DYNC2H1: variants seen among roughly 807,000 people sequenced by gnomAD.
DYNC2H1 encodes cytoplasmic dynein 2 heavy chain 1.
In DYNC2H1, 410 loss-of-function variants were observed where a neutral mutation model predicts 570.0. The observed-to-expected ratio is 0.72, with a 90% CI of 0.66 to 0.78. The LOEUF (loss-of-function observed/expected upper bound fraction) is 0.78, where lower values mean the gene tolerates loss of function less well. Ranked by LOEUF, DYNC2H1 falls within the 30% of genes least tolerant of loss-of-function variation. DYNC2H1 has a pLI of 0.00. For missense variants in DYNC2H1, 4,865 were observed against 5,046.4 expected, an observed-to-expected ratio of 0.96 and a Z score of 1.09; for synonymous variants, 1,688 against 1,677.6, an observed-to-expected ratio of 1.01 and a Z score of -0.15.
Position 103,243,309 on chromosome 11 carries a change from A to G in DYNC2H1, c.9820-384A>G, listed in dbSNP as rs1420203525. On this transcript the variant is annotated intron_variant, in intron 63 of 88. Transcript: ENST00000375735. The surrounding 1 kb of genome is among the most constrained non-coding windows in gnomAD (Gnocchi z 4.8). ...GATAGATAGATAGATAGATAGATAAATAGAGAATAATTTGACTGTGTATTA... is the reference window on the plus strand; with the variant it reads ...GATAGATAGATAGATAGATAGATAAGTAGAGAATAATTTGACTGTGTATTA... Among the ~76,000 whole-genome samples, 1 of 54,654 alleles carries G rather than the reference A, an allele frequency of 1.8e-5. No individual in the cohort carries two copies. Among genetic ancestry groups the G allele is most frequent in the Admixed American group, 1.4e-4 (1 of 7,346 alleles). 35.9% of individuals were successfully genotyped at this position (54,654 alleles called of 152,430 possible).
At chr11:103,468,336 G>T in intron 87 of DYNC2H1, 1 of 270,554 alleles carries the variant, frequency 3.7e-6, no homozygotes. Flanking sequence ...ACCCGCAGTT[G>T]TATAACAGAT....
At chr11:103,464,815 ACTT>A (rs1945141811) in intron 87 of DYNC2H1, among the ~76,000 whole-genome samples, 1 of 152,172 alleles carries the variant, frequency 6.6e-6, no homozygotes, top group Non-Finnish European at 1.5e-5. Flanking sequence ...TGAAACATGT[ACTT>A]CTGCAAAAAG....
At chr11:103,438,854 T>G (rs921489815) in intron 85 of DYNC2H1, among the ~76,000 whole-genome samples, 6 of 152,090 alleles carry the variant, frequency 3.9e-5, no homozygotes, top group African/African-American at 1.4e-4. Context: ...AAAAGTTCTA[T>G]AAATGTAAGC....
At chr11:103,360,096 T>C (rs77263869) in intron 83 of DYNC2H1, among the ~76,000 whole-genome samples, 1,821 of 152,128 alleles carry the variant, frequency 0.012, 41 homozygotes, top group African/African-American at 0.041. Context: ...TAGAGTACAA[T>C]ATCATAGGAA....
In DYNC2H1 at chr11:103,211,731, C is replaced by T. The variant is rs577246179; in HGVS notation, c.8540-58C>T. On this transcript the variant is annotated intron_variant, in intron 53 of 88. Coordinates refer to ENST00000375735, the MANE Select transcript of DYNC2H1 (RefSeq NM_001377.3). Reference sequence around the variant, plus strand: ...AATAACTATCATTAGGATATTTTCTCTTATTTTTAATGAATCATACATATA... The same window carrying T: ...AATAACTATCATTAGGATATTTTCTTTTATTTTTAATGAATCATACATATA... 5 of 690,672 alleles carry T rather than the reference C, an allele frequency of 7.2e-6. No individual in the cohort carries two copies. The African/African-American group carries it at 9.2e-5, about 13-fold the overall frequency. 42.8% of individuals were successfully genotyped at this position (690,672 alleles called of 1,614,324 possible). A position where few individuals can be genotyped will look rare whatever the true frequency, so the allele number is the denominator to read the frequency against.
At position 103,282,198 on chromosome 11, in the gene DYNC2H1, G is replaced by A. The variant is rs1459431845; in HGVS notation, c.10781G>A (p.Gly3594Asp). 1.9e-6 allele frequency: 3 copies of A among 1,608,370 alleles called. No homozygotes were observed. The highest frequency in any genetic ancestry group is 1.7e-6 in the Non-Finnish European group (2 of 1,177,600). The change falls in exon 72 of 89, where the codon GGT becomes GAT. Residue 3594 changes from glycine (G) to aspartate (D), a missense_variant. Gly to Asp is a moderately conservative substitution (Grantham distance 94). This residue lies in a region of DYNC2H1 where 2,401 missense variants were observed against 2,454.6 expected (regional missense o/e 0.98). Coordinates refer to ENST00000375735, the MANE Select transcript of DYNC2H1 (RefSeq NM_001377.3). ...FQENEWDTFT[G>D]VVVGDMLRKA... ...CAATAGGAATGGGATACGTTTACAG[G>A]TGTGGTTGTTGGAGACATGTTACGG...
At position 103,177,478 on chromosome 11, in the gene DYNC2H1, A is replaced by G; in HGVS notation, c.5875-78A>G. 7.0e-7 allele frequency: 1 copy of G among 1,428,108 alleles called. No homozygotes were observed. Among genetic ancestry groups the G allele is most frequent in the South Asian group, 1.4e-5 (1 of 70,668 alleles). 88.5% of individuals were successfully genotyped at this position (1,428,108 alleles called of 1,614,324 possible). ...AAAGGCTTAATTTACACATTAGAAC[A>G]AGTGTTACAGAATAAAAGCAGAACT... On this transcript the variant is annotated intron_variant, in intron 37 of 88. Coordinates refer to ENST00000375735, the MANE Select transcript of DYNC2H1 (RefSeq NM_001377.3). The surrounding 1 kb of genome is among the most constrained non-coding windows in gnomAD (Gnocchi z 4.4).
chr11:103,377,240 T>C (rs1591650013), intron 83 of DYNC2H1, among the ~76,000 whole-genome samples: 1 of 152,332 alleles, frequency 6.6e-6, no homozygotes, highest in African/African-American at 2.4e-5. Flanking sequence ...TGCACTCATG[T>C]AGTGCAAATA....
rs76410144 is a variant in DYNC2H1 at position 103,363,710 on chromosome 11, A to G, written c.12156+5351A>G. Among the ~76,000 whole-genome samples the G allele has an allele frequency of 5.3e-3, 802 of 152,374 alleles. 4 individuals are homozygous for G. The highest frequency in any genetic ancestry group is 0.018 in the African/African-American group (765 of 41,594). ...CTAGTGATTAAAGGGATTGGAAAATATAAATTAAGTCTACATTACTGATTG... is the reference window on the plus strand; with the variant it reads ...CTAGTGATTAAAGGGATTGGAAAATGTAAATTAAGTCTACATTACTGATTG... On this transcript the variant is annotated intron_variant, in intron 83 of 88. Coordinates refer to ENST00000375735, the MANE Select transcript of DYNC2H1 (RefSeq NM_001377.3). The surrounding 1 kb of genome is among the most constrained non-coding windows in gnomAD (Gnocchi z 5.6).
intron 82 of DYNC2H1, among the ~76,000 whole-genome samples, chr11:103,333,135 A>G (rs1938912188): frequency 6.6e-6 from 1 of 152,266 alleles, no homozygotes; most frequent in African/African-American, 2.4e-5. Flanking sequence ...TACAAGCCAA[A>G]TAACTTTCTG....
Position 103,235,825 on chromosome 11 carries a change from G to C in DYNC2H1, c.9709+12G>C. 1 of 1,609,358 alleles carries C rather than the reference G, an allele frequency of 6.2e-7. No homozygotes were observed. Among genetic ancestry groups the C allele is most frequent in the Non-Finnish European group, 8.5e-7 (1 of 1,177,168 alleles). Reference sequence around the variant, plus strand: ...AGCTGGTCTTGAGAGTTTGTATTTAGTTATTCCTGATCTTGAGAGTTTGTA... The same window carrying C: ...AGCTGGTCTTGAGAGTTTGTATTTACTTATTCCTGATCTTGAGAGTTTGTA... On this transcript the variant is annotated intron_variant, in intron 62 of 88. Transcript: ENST00000375735.
intron 31 of DYNC2H1, among the ~76,000 whole-genome samples, chr11:103,166,460 G>T (rs889952794): frequency 6.6e-6 from 1 of 151,930 alleles, no homozygotes; most frequent in African/African-American, 2.4e-5. Flanking sequence ...GTTTCCTTCT[G>T]GTGTCATTTT....
chr11:103,274,343 G>T (rs1865826363), intron 70 of DYNC2H1, among the ~76,000 whole-genome samples: 1 of 152,026 alleles, frequency 6.6e-6, no homozygotes, highest in South Asian at 2.1e-4. Context: ...CTGGGCAACA[G>T]AGTGAGACCA....
chr11:103,150,702 A>G (rs1565344886), intron 20 of DYNC2H1, among the ~76,000 whole-genome samples: 1 of 152,198 alleles, frequency 6.6e-6, no homozygotes. Context: ...ATAATAAACA[A>G]AGGGTGTAAG....
Position 103,148,477 on chromosome 11 carries a change from T to C in DYNC2H1, c.2819-13T>C. The stretch of plus-strand genomic sequence containing the variant: ...ATAATTAACATTTCTTGTATTTCAA[T>C]GTTACCACTCAGCTCATTTACATGA... On this transcript the variant is annotated splice_polypyrimidine_tract_variant and intron_variant, in intron 19 of 88. Transcript: ENST00000375735. 3.9e-6 allele frequency: 6 copies of C among 1,550,544 alleles called. No individual in the cohort carries two copies. Among genetic ancestry groups the C allele is most frequent in the Non-Finnish European group, 5.2e-6 (6 of 1,147,022 alleles).
chr11:103,306,638 G>A (rs1427078611), intron 77 of DYNC2H1, among the ~76,000 whole-genome samples: 1 of 152,016 alleles, frequency 6.6e-6, no homozygotes, highest in African/African-American at 2.4e-5. Flanking sequence ...CAAGCACAAT[G>A]TTTTTAGGGC....
rs140447023 is a variant in DYNC2H1 at position 103,190,609 on chromosome 11, G to A, written c.7437+793G>A. 4.5e-4 allele frequency among the ~76,000 whole-genome samples: 69 copies of A among 152,284 alleles called. 1 individual carries two copies. The East Asian group carries it at 0.013, about 29-fold the overall frequency. ...AATAGCGTGTACAAGTTATAGACATGTTTGTGGAAGATGCTTTTTATAATA... is the reference window on the plus strand; with the variant it reads ...AATAGCGTGTACAAGTTATAGACATATTTGTGGAAGATGCTTTTTATAATA... On this transcript the variant is annotated intron_variant, in intron 45 of 88. Transcript: ENST00000375735.
chr11:103,302,580 A>AT (rs1182781361), intron 75 of DYNC2H1, among the ~76,000 whole-genome samples: 1 of 152,106 alleles, frequency 6.6e-6, no homozygotes, highest in Non-Finnish European at 1.5e-5. Flanking sequence ...ACACATGGGC[A>AT]TAAGAAATAA....
At chr11:103,246,631 G>T (rs1015103888) in intron 65 of DYNC2H1, among the ~76,000 whole-genome samples, 9 of 152,058 alleles carry the variant, frequency 5.9e-5, no homozygotes, top group African/African-American at 2.2e-4. Flanking sequence ...CATCTTCTCC[G>T]CAGGGTTGGA....
Sources: allele counts gnomAD v4.1 joint callset (sites outside exome capture counted in the v4.1 genomes callset), GRCh38; gene constraint gnomAD v4.1.1; regional missense constraint gnomAD v4.1.1; non-coding constraint Gnocchi (gnomAD v3.1); transcripts MANE v1.5; gene names NCBI Gene and HGNC (gene_info 2026-07-23, HGNC 2026-07-21).